Variants in ANKRD30A observed in about 807,000 individuals in gnomAD.
The protein encoded by ANKRD30A is ankyrin repeat domain 30A.
A neutral mutation model predicts 166.3 loss-of-function variants in ANKRD30A; 170 were observed. The observed-to-expected ratio is 1.02, with a 90% CI of 0.90 to 1.16. ANKRD30A has a LOEUF of 1.16. Ranked by LOEUF, ANKRD30A falls within the 50% of genes most tolerant of loss-of-function variation. The pLI is 0.00. For synonymous variants in ANKRD30A, 564 were observed against 508.9 expected (o/e 1.11, Z -1.46); for missense variants, 1,630 against 1,518.0 (o/e 1.07, Z -1.23).
chr10:37,130,750 A>G (rs1271565514), intron 3 of ANKRD30A, among the ~76,000 whole-genome samples: 1 of 152,190 alleles, frequency 6.6e-6, no homozygotes, highest in African/African-American at 2.4e-5. Flanking sequence ...ATTTCCTCTT[A>G]AAGGATTGAA....
chr10:37,136,121 A>G (rs1836669438), intron 5 of ANKRD30A, among the ~76,000 whole-genome samples: 1 of 152,074 alleles, frequency 6.6e-6, no homozygotes, highest in Non-Finnish European at 1.5e-5. Context: ...GGATTTTAAA[A>G]CAGTTTCAGC....
chr10:37,229,008 A>C (rs973104604), intron 34 of ANKRD30A, among the ~76,000 whole-genome samples: 2 of 151,994 alleles, frequency 1.3e-5, no homozygotes, highest in Non-Finnish European at 2.9e-5. Flanking sequence ...GGGACAGCTC[A>C]AAGACTGGGA....
the ANKRD30A span, among the ~76,000 whole-genome samples, chr10:37,253,039 A>G: frequency 0.061 from 9,222 of 152,244 alleles, 398 homozygotes; most frequent in Middle Eastern, 0.11. Context: ...GCAAAATTTG[A>G]TTTTCAGCTT....
intron 11 of ANKRD30A, among the ~76,000 whole-genome samples, chr10:37,151,527 C>T (rs1389462149): frequency 6.6e-6 from 1 of 152,028 alleles, no homozygotes; most frequent in African/African-American, 2.4e-5. Flanking sequence ...ACCCAAAACA[C>T]ACCCAATACA....
rs1372152712 is a variant in ANKRD30A at position 37,178,698 on chromosome 10, A to T, written c.2421+2480A>T. 2.8e-5 allele frequency: 21 copies of T among 753,686 alleles called. No homozygotes were observed. The African/African-American group carries it at 3.7e-4, about 13-fold the overall frequency. 46.7% of individuals were successfully genotyped at this position (753,686 alleles called of 1,614,324 possible). A position where few individuals can be genotyped will look rare whatever the true frequency, so the allele number is the denominator to read the frequency against. ...GGAAGGTACTACCACTCCTCAAAGT[A>T]AAAGGAAAGAGTGGGAAAAAATAAT... On this transcript the variant is annotated intron_variant, in intron 24 of 35. Coordinates refer to ENST00000361713, the MANE Select transcript of ANKRD30A (RefSeq NM_052997.3).
rs17605932 is a variant in ANKRD30A, at chr10:37,152,206, G to C, written c.1707+85G>C. 71 of 1,162,216 alleles carry C rather than the reference G, an allele frequency of 6.1e-5. No homozygotes were observed. The African/African-American group carries it at 9.7e-4, about 16-fold the overall frequency. 72.0% of individuals were successfully genotyped at this position (1,162,216 alleles called of 1,614,324 possible). ...GCAGAGGCTTAGGCTTTATTTTCTC[G>C]CCTCTTCATATGTCACCCCGAAATT... On this transcript the variant is annotated intron_variant, in intron 12 of 35. Coordinates refer to ENST00000361713, the MANE Select transcript of ANKRD30A (RefSeq NM_052997.3).
intron 31 of ANKRD30A, among the ~76,000 whole-genome samples, chr10:37,214,222 C>T (rs1228519573): frequency 6.6e-6 from 1 of 151,584 alleles, no homozygotes; most frequent in Non-Finnish European, 1.5e-5. Flanking sequence ...TACAACCACC[C>T]TTCCTCAGCC....
chr10:37,159,961 A>G (rs1373657006), intron 15 of ANKRD30A, among the ~76,000 whole-genome samples: 1 of 152,120 alleles, frequency 6.6e-6, no homozygotes, highest in Non-Finnish European at 1.5e-5. Flanking sequence ...GGCCTCCCAA[A>G]GTACTGGAAT....
At position 37,136,681 on chromosome 10, in the gene ANKRD30A, C is replaced by A; in HGVS notation, c.820+10C>A. ...CAAAATACCAATCCAGGTAAGACTT[C>A]TGATAGTAAACTACCCTTGGTGGTG... On this transcript the variant is annotated intron_variant, in intron 6 of 35. Transcript: ENST00000361713. 1 of 1,397,764 alleles carries A rather than the reference C, an allele frequency of 7.2e-7. No individual in the cohort carries two copies. Among genetic ancestry groups the A allele is most frequent in the South Asian group, 1.3e-5 (1 of 78,120 alleles). The allele number at this position is 1,397,764 out of a possible 1,614,324, so 86.6% of individuals were successfully genotyped here.
Position 37,190,709 on chromosome 10 carries a change from G to A in ANKRD30A, c.2512+1152G>A, listed in dbSNP as rs71489120. 7.4e-4 allele frequency among the ~76,000 whole-genome samples: 112 copies of A among 151,798 alleles called. 3 individuals are homozygous for A. The highest frequency in any genetic ancestry group is 2.0e-3 in the African/African-American group (82 of 41,240). ...GCATTTAGAAAAGTTTTACTGCAGA[G>A]TGCTAGAGTGTGGGTGCTCTGGAGA... On this transcript the variant is annotated intron_variant, in intron 25 of 35. Transcript: ENST00000361713.
intron 34 of ANKRD30A, among the ~76,000 whole-genome samples, chr10:37,227,134 G>A (rs971192640): frequency 6.6e-6 from 1 of 151,776 alleles, no homozygotes; most frequent in Non-Finnish European, 1.5e-5. Context: ...TTTACTGTTA[G>A]TATATTTTCA....
At chr10:37,214,195 A>G (rs959713974) in intron 31 of ANKRD30A, among the ~76,000 whole-genome samples, 1 of 151,616 alleles carries the variant, frequency 6.6e-6, no homozygotes, top group African/African-American at 2.4e-5. Flanking sequence ...TTGCTATGAA[A>G]TGTACTTTGG....
At chr10:37,251,359 C>G in the ANKRD30A span, among the ~76,000 whole-genome samples, 10 of 152,216 alleles carry the variant, frequency 6.6e-5, no homozygotes, top group African/African-American at 2.2e-4. Context: ...TCTCCTCCCT[C>G]CCAAAAAAGC....
intron 35 of ANKRD30A, 122 bp from the exon 36 acceptor site, chr10:37,232,377 T>G (rs764849669): frequency 6.6e-6 from 1 of 151,642 alleles, no homozygotes; most frequent in Non-Finnish European, 1.5e-5. Flanking sequence ...TTTGAATTTT[T>G]AAAATGATGT....
intron 12 of ANKRD30A, among the ~76,000 whole-genome samples, chr10:37,153,083 A>G (rs1326594785): frequency 1.3e-5 from 2 of 152,146 alleles, no homozygotes; most frequent in South Asian, 2.1e-4. Context: ...TATTCTGTGC[A>G]TACATTCTGT....
downstream of ANKRD30A, among the ~76,000 whole-genome samples, chr10:37,234,402 G>A (rs912747922): frequency 6.6e-6 from 1 of 152,052 alleles, no homozygotes; most frequent in African/African-American, 2.4e-5. Flanking sequence ...TGTAATAAAT[G>A]AAATCATAAA....
intron 19 of ANKRD30A, 26 bp downstream of exon 19, chr10:37,166,721 T>A: frequency 6.2e-7 from 1 of 1,606,288 alleles, no homozygotes; most frequent in African/African-American, 1.3e-5. Flanking sequence ...TATTTAAAAA[T>A]CATTTGACCA....
intron 4 of ANKRD30A, 53 bp from the exon 5 acceptor site, chr10:37,133,863 C>A: frequency 1.9e-6 from 3 of 1,586,518 alleles, no homozygotes; most frequent in Non-Finnish European, 2.6e-6. Flanking sequence ...ATGACAGGCA[C>A]ATATTAAATT....
rs762346666 is a variant in ANKRD30A, at chr10:37,217,788, T to C, written c.3177T>C (p.His1059=). 6 of 1,600,114 alleles carry C rather than the reference T, an allele frequency of 3.7e-6. No homozygotes were observed. The Admixed American group carries it at 5.1e-5, about 14-fold the overall frequency. ...REELGRIEEQ[H]RKELEVKQQL... The stretch of plus-strand genomic sequence containing the variant: ...AATTAGGAAGAATCGAAGAGCAGCA[T>C]AGGAAAGAGTTAGAAGTGAAACAAC... The change falls in exon 33 of 36, where the codon CAT becomes CAC. Residue 1059 remains histidine, a synonymous_variant. Coordinates refer to ENST00000361713, the MANE Select transcript of ANKRD30A (RefSeq NM_052997.3).
Sources: allele counts gnomAD v4.1 joint callset (sites outside exome capture counted in the v4.1 genomes callset), GRCh38; gene constraint gnomAD v4.1.1; transcripts MANE v1.5; gene names NCBI Gene and HGNC (gene_info 2026-07-23, HGNC 2026-07-21).